Variants in CRYL1 observed in about 807,000 individuals in gnomAD.
The protein encoded by CRYL1 is crystallin lambda 1, also known as lambda-crystallin homolog.
A neutral mutation model predicts 36.6 loss-of-function variants in CRYL1; 29 were observed. The ratio of observed to expected loss-of-function variants is 0.79; its 90% CI spans 0.59 to 1.08. The LOEUF (loss-of-function observed/expected upper bound fraction) is 1.08, where lower values mean the gene tolerates loss of function less well. CRYL1 is among the 50% of genes least tolerant of loss of function. The pLI, the probability that CRYL1 is intolerant of heterozygous loss-of-function variation, is 0.00. For missense variants in CRYL1, 411 were observed against 407.9 expected (o/e 1.01, Z -0.06); for synonymous variants, 152 against 151.5 (o/e 1.00, Z -0.02).
intron 1 of CRYL1, among the ~76,000 whole-genome samples, chr13:20,523,681 G>A (rs568473246): frequency 6.6e-6 from 1 of 152,206 alleles, no homozygotes; most frequent in African/African-American, 2.4e-5. Context: ...CTGTCCCAGA[G>A]GCAGAGCTGG....
chr13:20,461,480 T>A (rs2137432076), intron 3 of CRYL1, among the ~76,000 whole-genome samples: 1 of 152,318 alleles, frequency 6.6e-6, no homozygotes, highest in East Asian at 1.9e-4. Flanking sequence ...TAGTATGAAG[T>A]AAAATTTATT....
chr13:20,491,075 T>C (rs968926279), intron 2 of CRYL1, among the ~76,000 whole-genome samples: 1 of 152,058 alleles, frequency 6.6e-6, no homozygotes, highest in African/African-American at 2.4e-5. Context: ...TGACCAATTT[T>C]TTGTATTTTT....
At chr13:20,440,735 G>A (rs2032332145) in intron 3 of CRYL1, among the ~76,000 whole-genome samples, 1 of 152,184 alleles carries the variant, frequency 6.6e-6, no homozygotes, top group South Asian at 2.1e-4. Flanking sequence ...AAGGCTTCTT[G>A]AGAATCCATT....
intron 5 of CRYL1, among the ~76,000 whole-genome samples, chr13:20,429,572 C>T (rs1413920717): frequency 6.6e-6 from 1 of 152,202 alleles, no homozygotes; most frequent in African/African-American, 2.4e-5. Flanking sequence ...AGGTACACCA[C>T]TGTCTGCTAG....
rs1198758614 is a variant in CRYL1 at position 20,423,990 on chromosome 13, C to T, written c.633+8112G>A. ...TTCACCTTGTTGGCCAGACTGGTCTCGAACTCCTGACCTCGTGATTCCCCT... is the reference window on the plus strand; with the variant it reads ...TTCACCTTGTTGGCCAGACTGGTCTTGAACTCCTGACCTCGTGATTCCCCT... On this transcript the variant is annotated intron_variant, in intron 5 of 7. Transcript: ENST00000298248. Among the ~76,000 whole-genome samples, 3 of 151,988 alleles carry T rather than the reference C, an allele frequency of 2.0e-5. No individual in the cohort carries two copies. The East Asian group carries it at 5.8e-4, about 30-fold the overall frequency.
chr13:20,459,777 A>G (rs1330058720), intron 3 of CRYL1, among the ~76,000 whole-genome samples: 1 of 152,162 alleles, frequency 6.6e-6, no homozygotes, highest in Non-Finnish European at 1.5e-5. Context: ...CTATCTGTAC[A>G]CCAAACCCCC....
chr13:20,512,255 C>T (rs1156649505), intron 2 of CRYL1, among the ~76,000 whole-genome samples, 188 bp downstream of exon 2: 1 of 152,250 alleles, frequency 6.6e-6, no homozygotes, highest in Non-Finnish European at 1.5e-5. Context: ...CATGGGAGCC[C>T]TTCCCCAGTG....
At chr13:20,414,666 T>C (rs1214447296) in intron 5 of CRYL1, among the ~76,000 whole-genome samples, 1 of 152,220 alleles carries the variant, frequency 6.6e-6, no homozygotes, top group Non-Finnish European at 1.5e-5. Flanking sequence ...CCTGGAATCT[T>C]CTGCAATGTA....
Position 20,404,261 on chromosome 13 carries a change from A to T in CRYL1, c.847-19T>A. 1 of 1,481,280 alleles carries T rather than the reference A, an allele frequency of 6.8e-7. No individual in the cohort carries two copies. The highest frequency in any genetic ancestry group is 9.4e-7 in the Non-Finnish European group (1 of 1,060,608). The allele number at this position is 1,481,280 out of a possible 1,614,324, so 91.8% of individuals were successfully genotyped here. Reference sequence around the variant, plus strand: ...ACATGTCCTGCAAGAAGGAGAAGGAAAAAAAAGGACAATAAAGAGGAAATA... The same window carrying T: ...ACATGTCCTGCAAGAAGGAGAAGGATAAAAAAGGACAATAAAGAGGAAATA... On this transcript the variant is annotated intron_variant, in intron 7 of 7. Coordinates refer to ENST00000298248, the MANE Select transcript of CRYL1 (RefSeq NM_015974.3).
rs2034167660 is a variant in CRYL1, at chr13:20,525,151, TC to T, written c.41+602del. Among the ~76,000 whole-genome samples, 1 of 152,012 alleles carries T rather than the reference TC, an allele frequency of 6.6e-6. No individual in the cohort carries two copies. The highest frequency in any genetic ancestry group is 6.6e-5 in the Admixed American group (1 of 15,262). ...TCTCTGGGCTCCATCGGCCCCCACC[TC>T]CCCTCTGGAAACATCGCCTCGCCCA... On this transcript the variant is annotated intron_variant, in intron 1 of 7. Transcript: ENST00000298248. The surrounding 1 kb of genome is among the most constrained non-coding windows in gnomAD (Gnocchi z 4.3).
At chr13:20,440,357 G>C (rs2032325669) in intron 3 of CRYL1, among the ~76,000 whole-genome samples, 1 of 152,184 alleles carries the variant, frequency 6.6e-6, no homozygotes, top group Admixed American at 6.5e-5. Flanking sequence ...GTGAAGAAAA[G>C]ATTTTACTTG....
At chr13:20,408,148 A>G (rs2137361311) in intron 6 of CRYL1, among the ~76,000 whole-genome samples, 1 of 152,308 alleles carries the variant, frequency 6.6e-6, no homozygotes, top group South Asian at 2.1e-4. Flanking sequence ...TCCTACTCTC[A>G]GGATCAAATT....
intron 3 of CRYL1, among the ~76,000 whole-genome samples, chr13:20,447,744 C>A (rs2032487231): frequency 6.6e-6 from 1 of 152,180 alleles, no homozygotes; most frequent in Middle Eastern, 3.2e-3. Context: ...GAACTTGAAA[C>A]CTTTAATGCA....
intron 2 of CRYL1, among the ~76,000 whole-genome samples, chr13:20,501,502 C>T (rs1201751988): frequency 6.6e-6 from 1 of 151,214 alleles, no homozygotes; most frequent in Non-Finnish European, 1.5e-5. Flanking sequence ...ATCTCAGTGC[C>T]AGCCTATAGT....
chr13:20,515,318 G>A (rs2033981759), intron 1 of CRYL1, among the ~76,000 whole-genome samples: 1 of 152,128 alleles, frequency 6.6e-6, no homozygotes, highest in Non-Finnish European at 1.5e-5. Context: ...CTTTAAATGG[G>A]TGAATTACAG....
At chr13:20,473,496 T>C (rs1465273112) in intron 3 of CRYL1, among the ~76,000 whole-genome samples, 1 of 152,260 alleles carries the variant, frequency 6.6e-6, no homozygotes, top group African/African-American at 2.4e-5. Flanking sequence ...GGCAGCCTTG[T>C]GATCTCAGCG....
chr13:20,493,116 G>A (rs748506397), intron 2 of CRYL1, among the ~76,000 whole-genome samples: 6 of 152,308 alleles, frequency 3.9e-5, no homozygotes, highest in Admixed American at 6.5e-5. Flanking sequence ...TGTTACAATC[G>A]AAGCTCTAGA....
chr13:20,436,770 A>C (rs947798064), intron 4 of CRYL1, among the ~76,000 whole-genome samples: 5 of 152,158 alleles, frequency 3.3e-5, no homozygotes, highest in Non-Finnish European at 5.9e-5. Flanking sequence ...AATTTGCTGA[A>C]TATCCACTTT....
chr13:20,506,214 C>T (rs2033793763), intron 2 of CRYL1, among the ~76,000 whole-genome samples: 1 of 152,166 alleles, frequency 6.6e-6, no homozygotes. Flanking sequence ...ATATCCTAAG[C>T]TTCCCTTTTC....
Sources: allele counts gnomAD v4.1 joint callset (sites outside exome capture counted in the v4.1 genomes callset), GRCh38; gene constraint gnomAD v4.1.1; non-coding constraint Gnocchi (gnomAD v3.1); transcripts MANE v1.5; gene names NCBI Gene and HGNC (gene_info 2026-07-23, HGNC 2026-07-21).